The following CACNB2 variants were observed in gnomAD, a reference collection of about 807,000 sequenced individuals.
The protein encoded by CACNB2 is calcium voltage-gated channel auxiliary subunit beta 2.
In CACNB2, 42 loss-of-function variants were observed where a neutral mutation model predicts 73.3. That is an observed-to-expected ratio of 0.57 (90% CI 0.45 to 0.74). The LOEUF is 0.74. Ranked by LOEUF, CACNB2 falls within the 30% of genes least tolerant of loss-of-function variation. CACNB2 has a pLI of 0.00. For synonymous variants in CACNB2, 348 were observed against 310.3 expected, an observed-to-expected ratio of 1.12 and a Z score of -1.28; for missense variants, 940 against 853.0, an observed-to-expected ratio of 1.10 and a Z score of -1.27.
chr10:18,428,009 G>T (rs1158098995), intron 3 of CACNB2, among the ~76,000 whole-genome samples: 1 of 151,840 alleles, frequency 6.6e-6, no homozygotes, highest in Non-Finnish European at 1.5e-5. Flanking sequence ...TTGAGAACCT[G>T]GTTTTCTGTA....
At chr10:18,459,907 A>G (rs573013518) in intron 3 of CACNB2, among the ~76,000 whole-genome samples, 1 of 152,274 alleles carries the variant, frequency 6.6e-6, no homozygotes, top group Admixed American at 6.5e-5. Context: ...CTGAGGTGAA[A>G]GAATTACTTG....
At chr10:18,508,710 T>C (rs1370596593) in intron 6 of CACNB2, among the ~76,000 whole-genome samples, 1 of 152,150 alleles carries the variant, frequency 6.6e-6, no homozygotes, top group Non-Finnish European at 1.5e-5. Flanking sequence ...GAAAATATGG[T>C]AACTCAAAAT....
intron 2 of CACNB2, among the ~76,000 whole-genome samples, chr10:18,310,502 G>T (rs2039915829): frequency 6.8e-6 from 1 of 147,804 alleles, no homozygotes; most frequent in South Asian, 2.2e-4. Context: ...CTACTCAGGA[G>T]GCTGAGGCAG....
At chr10:18,301,609 C>T (rs932792503) in intron 2 of CACNB2, among the ~76,000 whole-genome samples, 2 of 151,158 alleles carry the variant, frequency 1.3e-5, no homozygotes, top group Non-Finnish European at 2.9e-5. Context: ...ACAAACGAAA[C>T]AAGCTGTTCA....
intron 2 of CACNB2, among the ~76,000 whole-genome samples, chr10:18,319,854 T>C (rs1392436430): frequency 6.6e-6 from 1 of 152,088 alleles, no homozygotes; most frequent in Non-Finnish European, 1.5e-5. Context: ...GAGAGAGTTC[T>C]GGACAGAGGC....
intron 2 of CACNB2, among the ~76,000 whole-genome samples, chr10:18,315,542 T>TA (rs2040149572): frequency 6.8e-6 from 1 of 146,714 alleles, no homozygotes; most frequent in African/African-American, 2.5e-5. Context: ...TTTTTTTTTT[T>TA]AATTAGCCAG....
chr10:18,494,051 G>A (rs2049624133), intron 3 of CACNB2, among the ~76,000 whole-genome samples: 1 of 152,168 alleles, frequency 6.6e-6, no homozygotes, highest in African/African-American at 2.4e-5. Context: ...TACAGGAGGT[G>A]AGGCAAGAAA....
chr10:18,496,844 G>T (rs903819322), intron 3 of CACNB2, among the ~76,000 whole-genome samples: 66 of 131,922 alleles, frequency 5.0e-4, no homozygotes, highest in Non-Finnish European at 9.0e-4. Context: ...AGGAAAAAAA[G>T]AAAAAAAAAG....
At chr10:18,367,249 AT>A in intron 2 of CACNB2, among the ~76,000 whole-genome samples, 4 of 152,122 alleles carry the variant, frequency 2.6e-5, no homozygotes, top group Non-Finnish European at 2.9e-5. Context: ...AAATGTTGAA[AT>A]ACTTTGGGAC....
At chr10:18,354,620 T>C (rs1032928398) in intron 2 of CACNB2, among the ~76,000 whole-genome samples, 1 of 152,152 alleles carries the variant, frequency 6.6e-6, no homozygotes, top group Admixed American at 6.5e-5. Flanking sequence ...TTTTTGCTTG[T>C]ATGTTTGTTT....
chr10:18,464,167 T>A (rs1000873642), intron 3 of CACNB2, among the ~76,000 whole-genome samples: 5 of 151,960 alleles, frequency 3.3e-5, no homozygotes, highest in Non-Finnish European at 7.4e-5. Context: ...AGTTCTTTTT[T>A]TTTTTCTTTT....
At chr10:18,281,017 CTGGGCTTTCCATATTT>C (rs1267670354) in intron 2 of CACNB2, among the ~76,000 whole-genome samples, 2 of 152,186 alleles carry the variant, frequency 1.3e-5, no homozygotes, top group Non-Finnish European at 2.9e-5. Context: ...AATTACCTTG[CTGGGCTTTCCATATTT>C]TGTAGGTTGA....
rs1206513300 is a variant in CACNB2, at chr10:18,542,925, T to C, written c.*3201T>C. ...TGGTCATATCCATTTCAGTCTTTCC[T>C]ATGCTCTTTCTCTACTGCTCATTTA... is the stretch of plus-strand genomic sequence containing the variant. On this transcript the variant is annotated 3_prime_UTR_variant, in exon 14 of 14. Transcript: ENST00000324631. The C allele has an allele frequency of 6.6e-6, 1 of 150,854 alleles. No homozygotes were observed. The highest frequency in any genetic ancestry group is 1.5e-5 in the Non-Finnish European group (1 of 67,796). The allele number at this position is 150,854 out of a possible 1,614,324, so 9.3% of individuals were successfully genotyped here.
At chr10:18,436,545 C>T (rs557840356) in intron 3 of CACNB2, among the ~76,000 whole-genome samples, 8 of 152,216 alleles carry the variant, frequency 5.3e-5, no homozygotes, top group African/African-American at 1.2e-4. Context: ...AGAAGGTATG[C>T]GTGGATTACT....
At chr10:18,405,332 A>C (rs535177794) in intron 3 of CACNB2, among the ~76,000 whole-genome samples, 3 of 152,220 alleles carry the variant, frequency 2.0e-5, no homozygotes, top group South Asian at 4.1e-4. Flanking sequence ...AGGTTTGTCT[A>C]TTCTGTATAT....
intron 2 of CACNB2, among the ~76,000 whole-genome samples, chr10:18,205,789 A>T (rs2035064627): frequency 6.6e-6 from 1 of 151,978 alleles, no homozygotes; most frequent in Non-Finnish European, 1.5e-5. Context: ...CCTCATCAAA[A>T]CCTAACTCCT....
chr10:18,267,354 C>T (rs544580475), intron 2 of CACNB2, among the ~76,000 whole-genome samples: 27 of 152,084 alleles, frequency 1.8e-4, no homozygotes, highest in African/African-American at 6.3e-4. Flanking sequence ...TCCTGTAATC[C>T]CAACACTTTG....
At chr10:18,385,549 C>T (rs972222994) in intron 2 of CACNB2, among the ~76,000 whole-genome samples, 3 of 150,330 alleles carry the variant, frequency 2.0e-5, no homozygotes, top group Admixed American at 1.3e-4. Context: ...ATCGCTTGAA[C>T]TCAGGAGGCA....
chr10:18,430,466 A>T, intron 3 of CACNB2, among the ~76,000 whole-genome samples: 1 of 152,280 alleles, frequency 6.6e-6, no homozygotes, highest in East Asian at 1.9e-4. Context: ...CTCTTAAAAA[A>T]AAAAAATTAA....
Sources: allele counts gnomAD v4.1 joint callset (sites outside exome capture counted in the v4.1 genomes callset), GRCh38; gene constraint gnomAD v4.1.1; transcripts MANE v1.5; gene names NCBI Gene and HGNC (gene_info 2026-07-23, HGNC 2026-07-21).